Variants in MYLK3 observed in about 807,000 individuals in gnomAD.
The protein encoded by MYLK3 is myosin light chain kinase 3, also known as MLC kinase.
Under a neutral mutation model 76.3 loss-of-function variants are expected in MYLK3, and 55 were observed. The ratio of observed to expected loss-of-function variants is 0.72; its 90% CI spans 0.58 to 0.90. MYLK3 has a LOEUF of 0.90. Among genes scored for constraint, MYLK3 ranks in the 40% least tolerant of loss-of-function variants. The pLI is 0.00. For missense variants in MYLK3, 973 were observed against 1,053.6 expected (o/e 0.92, Z 1.06); for synonymous variants, 416 against 425.4 (o/e 0.98, Z 0.27).
At chr16:46,742,227 G>A (rs1254406426) in intron 1 of MYLK3, among the ~76,000 whole-genome samples, 1 of 149,224 alleles carries the variant, frequency 6.7e-6, no homozygotes. Context: ...AAACTCACTA[G>A]AAAAAAAAAA....
At chr16:46,747,681 CT>C (rs1967051874) in intron 1 of MYLK3, 35 bp downstream of exon 1, 1 of 1,580,458 alleles carries the variant, frequency 6.3e-7, no homozygotes, top group African/African-American at 1.3e-5. Flanking sequence ...GGGCCGGGGC[CT>C]CCCATCCAGC....
rs201987082 is a variant in MYLK3 at position 46,704,084 on chromosome 16, GTTT to G, written c.*3617_*3619del. ...GAAAACCTAGCATCTGAATTGACAG[GTTT>G]TTTTTTGTTTTGTTTGTTTGTTTGT... On this transcript the variant is annotated 3_prime_UTR_variant, in exon 13 of 13. Coordinates refer to ENST00000394809, the MANE Select transcript of MYLK3 (RefSeq NM_182493.3). 6.6e-6 allele frequency: 1 copy of G among 151,570 alleles called. No individual in the cohort carries two copies. Among genetic ancestry groups the G allele is most frequent in the African/African-American group, 2.4e-5 (1 of 41,234 alleles). The allele number at this position is 151,570 out of a possible 1,614,324, so 9.4% of individuals were successfully genotyped here. A position where few individuals can be genotyped will look rare whatever the true frequency, so the allele number is the denominator to read the frequency against.
chr16:46,713,156 A>C (rs1167250718), intron 9 of MYLK3, among the ~76,000 whole-genome samples: 2 of 151,868 alleles, frequency 1.3e-5, no homozygotes, highest in Non-Finnish European at 2.9e-5. Flanking sequence ...TTGCACAACA[A>C]CGAGAATGTA....
intron 1 of MYLK3, among the ~76,000 whole-genome samples, chr16:46,740,539 A>ACATATATG (rs1966912787): frequency 1.1e-5 from 1 of 92,508 alleles, no homozygotes; most frequent in African/African-American, 4.0e-5. Context: ...ATACATACAT[A>ACATATATG]TATATATATA....
chr16:46,760,618 C>T (rs1432307671), intron 1 of MYLK3, among the ~76,000 whole-genome samples: 1 of 152,190 alleles, frequency 6.6e-6, no homozygotes, highest in African/African-American at 2.4e-5. Flanking sequence ...GTGCTCCCAG[C>T]CCCACCCCAC....
chr16:46,753,905 C>T (rs1967163527), intron 1 of MYLK3, among the ~76,000 whole-genome samples: 1 of 152,044 alleles, frequency 6.6e-6, no homozygotes, highest in Admixed American at 6.5e-5. Flanking sequence ...AGGACGAGAC[C>T]CTGTCTCAAA....
At chr16:46,713,657 A>G (rs117271192) in intron 9 of MYLK3, among the ~76,000 whole-genome samples, 4 of 152,202 alleles carry the variant, frequency 2.6e-5, no homozygotes, top group South Asian at 4.1e-4. Flanking sequence ...TATAATCACC[A>G]TGTTGTACAA....
upstream of MYLK3, among the ~76,000 whole-genome samples, chr16:46,753,277 C>A (rs1052717497): frequency 7.2e-5 from 11 of 152,176 alleles, no homozygotes; most frequent in Non-Finnish European, 5.9e-5. Flanking sequence ...CTCCTCCTGC[C>A]CCACACCTCA....
intron 7 of MYLK3, 116 bp from the exon 8 acceptor site, chr16:46,727,493 T>A: frequency 8.7e-7 from 1 of 1,151,236 alleles, no homozygotes; most frequent in Non-Finnish European, 1.2e-6. Context: ...TCACACCCCA[T>A]GGGTCACAGG....
intron 1 of MYLK3, among the ~76,000 whole-genome samples, chr16:46,742,681 A>G (rs933478937): frequency 3.9e-5 from 6 of 152,096 alleles, no homozygotes; most frequent in Non-Finnish European, 7.4e-5. Flanking sequence ...ATTCCAGGAC[A>G]CCAAGCTTTG....
chr16:46,732,618 G>C lies in MYLK3; in HGVS notation c.1052C>G (p.Thr351Arg). 1.3e-6 allele frequency: 2 copies of C among 1,571,160 alleles called. No individual in the cohort carries two copies. Among genetic ancestry groups the C allele is most frequent in the Non-Finnish European group, 1.7e-6 (2 of 1,165,290 alleles). Residue 351 changes from threonine (T) to arginine (R), a missense_variant, in exon 4 of 13, where the codon ACA becomes AGA. Around this residue, in one of 2 missense-constraint regions of MYLK3, gnomAD observed 641 missense variants for 637.0 expected, o/e 1.01. Coordinates refer to ENST00000394809, the MANE Select transcript of MYLK3 (RefSeq NM_182493.3). ...GGTGGGTCCAAGGCTGCCCCTGCCT[G>C]TCATCAGCATCTCCCCAGGAGTATC... ...EMDTPGEMLM[T>R]GRGSLGPTLT...
At position 46,730,686 on chromosome 16, in the gene MYLK3, G is replaced by A; in HGVS notation, c.1475C>T (p.Ala492Val). 1 of 1,613,980 alleles carries A rather than the reference G, an allele frequency of 6.2e-7. No homozygotes were observed. Among genetic ancestry groups the A allele is most frequent in the Admixed American group, 1.7e-5 (1 of 60,022 alleles). ...AGSVVLDDSP[A>V]PPAPFEHRVV... ...CCGGTGTTCAAAAGGAGCTGGTGGG[G>A]CCGGACTGTCATCTGCTCAGGAGGC... The change falls in exon 5 of 13, where the codon GCC becomes GTC. Residue 492 changes from alanine (A) to valine (V), a missense_variant. By Grantham distance (64) the Ala-to-Val change is moderately conservative. Transcript: ENST00000394809.
chr16:46,750,712 G>A (rs967315083), upstream of MYLK3, among the ~76,000 whole-genome samples: 3 of 151,986 alleles, frequency 2.0e-5, no homozygotes, highest in Non-Finnish European at 2.9e-5. Flanking sequence ...TATATAGGCC[G>A]GTTGTGGTGG....
intron 1 of MYLK3, among the ~76,000 whole-genome samples, chr16:46,743,094 G>A (rs767453690): frequency 2.6e-5 from 4 of 152,150 alleles, no homozygotes; most frequent in Admixed American, 6.5e-5. Context: ...TGCCGTTTCT[G>A]TGCTTCCTCA....
At chr16:46,709,815 C>T in intron 11 of MYLK3, 144 bp from the exon 12 acceptor site, 1 of 974,240 alleles carries the variant, frequency 1.0e-6, no homozygotes, top group East Asian at 2.5e-5. Flanking sequence ...AAAGGGAACT[C>T]CTTGTGTCTA....
chr16:46,722,901 G>A (rs551582301), intron 8 of MYLK3, among the ~76,000 whole-genome samples: 19 of 152,230 alleles, frequency 1.2e-4, no homozygotes, highest in Admixed American at 3.9e-4. Flanking sequence ...TAGTTGAGAC[G>A]GGGTTTCACC....
At chr16:46,745,806 C>T (rs187550730) in intron 1 of MYLK3, among the ~76,000 whole-genome samples, 2 of 152,002 alleles carry the variant, frequency 1.3e-5, no homozygotes, top group East Asian at 3.9e-4. Flanking sequence ...CAAAACAAAA[C>T]AAAAGGGTGC....
upstream of MYLK3, among the ~76,000 whole-genome samples, chr16:46,750,817 C>G (rs564807822): frequency 5.7e-4 from 85 of 150,404 alleles, no homozygotes; most frequent in African/African-American, 2.0e-3. Flanking sequence ...TGGTGAAATC[C>G]CATCTCTACT....
chr16:46,742,445 AAAACACACACACACACACAC>A (rs1179162604), intron 1 of MYLK3, among the ~76,000 whole-genome samples: 3 of 130,204 alleles, frequency 2.3e-5, no homozygotes, highest in Non-Finnish European at 3.2e-5. Flanking sequence ...AATCCCAGCA[AAAACACACACACACACACAC>A]ACACACACAC....
Sources: allele counts gnomAD v4.1 joint callset (sites outside exome capture counted in the v4.1 genomes callset), GRCh38; gene constraint gnomAD v4.1.1; regional missense constraint gnomAD v4.1.1; transcripts MANE v1.5; gene names NCBI Gene and HGNC (gene_info 2026-07-23, HGNC 2026-07-21).